The following EPS8 variants were observed in gnomAD, a reference collection of about 807,000 sequenced individuals.
The protein encoded by EPS8 is EGFR pathway substrate 8, signaling adaptor.
A neutral mutation model predicts 103.8 loss-of-function variants in EPS8; 42 were observed. The observed-to-expected ratio is 0.40, with a 90% CI of 0.32 to 0.52. The LOEUF is 0.52. Among genes scored for constraint, EPS8 ranks in the 20% least tolerant of loss-of-function variants. EPS8 has a pLI of 0.40. For synonymous variants in EPS8, 344 were observed against 344.6 expected, an observed-to-expected ratio of 1.00 and a Z score of 0.02; for missense variants, 969 against 1,005.1, an observed-to-expected ratio of 0.96 and a Z score of 0.49.
At position 15,772,136 on chromosome 12, in the gene EPS8, T is replaced by G. The variant is rs1348745419; in HGVS notation, c.-22+17025A>C. Among the ~76,000 whole-genome samples, 2 of 152,004 alleles carry G rather than the reference T, an allele frequency of 1.3e-5. No homozygotes were observed. ...CAGCCATTTGCTGACTCAAAAAGAT[T>G]TAATGACTGTTGACATATAGGTGGG... On this transcript the variant is annotated intron_variant, in intron 1 of 20. Transcript: ENST00000281172. The surrounding 1 kb of genome is among the most constrained non-coding windows in gnomAD (Gnocchi z 5.0).
chr12:15,682,777 G>A (rs1327382288), intron 2 of EPS8, 116 bp downstream of exon 2: 2 of 625,692 alleles, frequency 3.2e-6, no homozygotes, highest in Non-Finnish European at 2.8e-6. Context: ...ATATTAATGA[G>A]GAATGAACTA....
At chr12:15,676,982 T>C (rs1274642933) in intron 3 of EPS8, among the ~76,000 whole-genome samples, 1 of 152,214 alleles carries the variant, frequency 6.6e-6, no homozygotes, top group Non-Finnish European at 1.5e-5. Flanking sequence ...ATACCACTTA[T>C]AAAAAATATT....
Position 15,771,188 on chromosome 12 carries a change from A to G in EPS8, c.-22+17973T>C, listed in dbSNP as rs1353530891. On this transcript the variant is annotated intron_variant, in intron 1 of 20. Coordinates refer to ENST00000281172, the MANE Select transcript of EPS8 (RefSeq NM_004447.6). This position sits in a 1 kb window ranked among gnomAD's most constrained non-coding sequence, Gnocchi z 4.6. Reference sequence around the variant, plus strand: ...CGATTTGTATATAGAGATAAATTAAAAAGTTATTCCAAATATAGACAAGAG... The same window carrying G: ...CGATTTGTATATAGAGATAAATTAAGAAGTTATTCCAAATATAGACAAGAG... 6.6e-6 allele frequency among the ~76,000 whole-genome samples: 1 copy of G among 152,230 alleles called. No homozygotes were observed. The highest frequency in any genetic ancestry group is 1.9e-4 in the East Asian group (1 of 5,198).
rs1946741027 is a variant in EPS8 at position 15,733,728 on chromosome 12, C to T, written c.-21-50756G>A. Among the ~76,000 whole-genome samples, 1 of 152,092 alleles carries T rather than the reference C, an allele frequency of 6.6e-6. No individual in the cohort carries two copies. Among genetic ancestry groups the T allele is most frequent in the Admixed American group, 6.6e-5 (1 of 15,260 alleles). On this transcript the variant is annotated intron_variant, in intron 1 of 20. Coordinates refer to ENST00000281172, the MANE Select transcript of EPS8 (RefSeq NM_004447.6). This position sits in a 1 kb window ranked among gnomAD's most constrained non-coding sequence, Gnocchi z 4.8. ...GAAATATCCATTCCATTTTACTAAGCATCATACCACATATATCAAGGCATC... is the reference window on the plus strand; with the variant it reads ...GAAATATCCATTCCATTTTACTAAGTATCATACCACATATATCAAGGCATC...
intron 15 of EPS8, among the ~76,000 whole-genome samples, chr12:15,646,226 T>G (rs1945317078): frequency 1.3e-5 from 2 of 152,230 alleles, no homozygotes; most frequent in Admixed American, 6.5e-5. Context: ...CAGCAATTAC[T>G]TAAGCATTAC....
In EPS8 at chr12:15,789,304, C is replaced by G. The variant is rs1389241930; in HGVS notation, c.-165G>C. 6.6e-6 allele frequency: 1 copy of G among 152,276 alleles called. No homozygotes were observed. Among genetic ancestry groups the G allele is most frequent in the Non-Finnish European group, 1.5e-5 (1 of 68,134 alleles). The allele number at this position is 152,276 out of a possible 1,614,324, so 9.4% of individuals were successfully genotyped here. On this transcript the variant is annotated 5_prime_UTR_variant, in exon 1 of 21. Transcript: ENST00000281172. This position sits in a 1 kb window ranked among gnomAD's most constrained non-coding sequence, Gnocchi z 6.1. ...CCGCGGAGCCGCCTTCTGCACCCAG[C>G]TAAAGAGCAGCGATCTCCGAGGCGA...
intron 1 of EPS8, among the ~76,000 whole-genome samples, chr12:15,687,458 A>G (rs1005144061): frequency 6.6e-6 from 1 of 152,160 alleles, no homozygotes; most frequent in South Asian, 2.1e-4. Flanking sequence ...AACACAATAA[A>G]ATCACTTAAA....
chr12:15,755,350 TGGA>T (rs1414773567), intron 1 of EPS8, among the ~76,000 whole-genome samples: 2 of 152,202 alleles, frequency 1.3e-5, no homozygotes, highest in Non-Finnish European at 2.9e-5. Context: ...ATACTGTTGT[TGGA>T]GGAGAAAAGG....
chr12:15,758,552 A>G (rs931490912), intron 1 of EPS8, among the ~76,000 whole-genome samples: 16 of 152,332 alleles, frequency 1.1e-4, no homozygotes, highest in African/African-American at 3.6e-4. Context: ...TCAATTTCAC[A>G]TGTGGCTAGT....
At chr12:15,647,010 A>C (rs1228245632) in intron 15 of EPS8, 117 bp downstream of exon 15, 1 of 967,636 alleles carries the variant, frequency 1.0e-6, no homozygotes, top group Non-Finnish European at 1.5e-6. Context: ...TTTATCAACT[A>C]ATTAACAGAT....
At chr12:15,788,214 T>A (rs1227246625) in intron 1 of EPS8, among the ~76,000 whole-genome samples, 1 of 152,188 alleles carries the variant, frequency 6.6e-6, no homozygotes, top group Non-Finnish European at 1.5e-5. Context: ...ATTAGCTCTT[T>A]TACCTATTCC....
At chr12:15,723,462 T>C (rs1419259567) in intron 1 of EPS8, among the ~76,000 whole-genome samples, 1 of 152,204 alleles carries the variant, frequency 6.6e-6, no homozygotes, top group African/African-American at 2.4e-5. Context: ...TTTAGATCAA[T>C]AGGAATCATT....
chr12:15,666,564 C>G (rs375205246), intron 6 of EPS8, 42 bp from the exon 7 acceptor site: 1 of 1,443,776 alleles, frequency 6.9e-7, no homozygotes, highest in Non-Finnish European at 9.8e-7. Context: ...ATGGATTTTT[C>G]TGAGTCTTGA....
chr12:15,678,223 T>C (rs775761840), intron 3 of EPS8, among the ~76,000 whole-genome samples: 17 of 152,242 alleles, frequency 1.1e-4, no homozygotes, highest in South Asian at 2.1e-4. Context: ...CTTCAAAACA[T>C]GAACATATTT....
chr12:15,718,882 A>G (rs926501603), intron 1 of EPS8, among the ~76,000 whole-genome samples: 11 of 152,182 alleles, frequency 7.2e-5, no homozygotes, highest in Non-Finnish European at 1.6e-4. Flanking sequence ...GAGAAAAAAA[A>G]AGGCATTTCT....
Position 15,664,900 on chromosome 12 carries a change from T to C in EPS8, c.736+856A>G, listed in dbSNP as rs529533518. 1.3e-4 allele frequency: 20 copies of C among 152,308 alleles called. 1 individual carries two copies. The South Asian group carries it at 3.9e-3, about 30-fold the overall frequency. 9.4% of individuals were successfully genotyped at this position (152,308 alleles called of 1,614,324 possible). A position where few individuals can be genotyped will look rare whatever the true frequency, so the allele number is the denominator to read the frequency against. On this transcript the variant is annotated intron_variant, in intron 8 of 20. Coordinates refer to ENST00000281172, the MANE Select transcript of EPS8 (RefSeq NM_004447.6). The stretch of plus-strand genomic sequence containing the variant: ...ATAAACATTTCAGATTCTAGTAAAA[T>C]ATTCTAACATATAAAAAGTAACACT...
At chr12:15,670,960 T>C (rs1945805509) in intron 3 of EPS8, 37 bp from the exon 4 acceptor site, 1 of 1,496,844 alleles carries the variant, frequency 6.7e-7, no homozygotes. Context: ...ATTTGTCCCC[T>C]AATAGACTGA....
intron 3 of EPS8, among the ~76,000 whole-genome samples, chr12:15,678,842 A>G (rs1591847805): frequency 7.2e-6 from 1 of 139,366 alleles, no homozygotes; most frequent in South Asian, 2.3e-4. Context: ...TGAACCCTGG[A>G]GGCGGAGGCT....
intron 8 of EPS8, among the ~76,000 whole-genome samples, chr12:15,663,138 C>T (rs1392932463): frequency 1.3e-5 from 2 of 152,068 alleles, no homozygotes; most frequent in Non-Finnish European, 2.9e-5. Context: ...TAGATAGCTG[C>T]TACCTTGGTT....
Sources: gnomAD v4.1 joint callset for allele counts (sites outside exome capture counted in the v4.1 genomes callset) on GRCh38, gnomAD v4.1.1 for gene constraint, Gnocchi (gnomAD v3.1) non-coding constraint, MANE v1.5 for transcripts, NCBI Gene and HGNC (gene_info 2026-07-23, HGNC 2026-07-21) for gene names.